The following SYNRG variants were observed in gnomAD, a reference collection of about 807,000 sequenced individuals.
The protein encoded by SYNRG is AP1 gamma subunit binding protein 1.
Under a neutral mutation model 130.9 loss-of-function variants are expected in SYNRG, and 37 were observed. The observed-to-expected ratio is 0.28, with a 90% CI of 0.22 to 0.37. SYNRG has a LOEUF of 0.37. Among genes scored for constraint, SYNRG ranks in the 10% least tolerant of loss-of-function variants. SYNRG has a pLI of 1.00. For synonymous variants in SYNRG, 539 were observed against 568.1 expected (o/e 0.95, Z 0.73); for missense variants, 1,338 against 1,588.9 (o/e 0.84, Z 2.68).
At chr17:37,564,735 A>C (rs1229591528) in intron 11 of SYNRG, among the ~76,000 whole-genome samples, 5 of 152,250 alleles carry the variant, frequency 3.3e-5, no homozygotes, top group African/African-American at 1.2e-4. Context: ...TGTGGAGTAC[A>C]GATTATCATA....
intron 1 of SYNRG, among the ~76,000 whole-genome samples, chr17:37,608,772 A>G (rs1430653317): frequency 6.6e-6 from 1 of 152,142 alleles, no homozygotes; most frequent in Non-Finnish European, 1.5e-5. Flanking sequence ...CGGGTTAAGG[A>G]AATAAAGAGG....
At chr17:37,587,108 C>G (rs1382211846) in intron 3 of SYNRG, among the ~76,000 whole-genome samples, 1 of 151,846 alleles carries the variant, frequency 6.6e-6, no homozygotes, top group Non-Finnish European at 1.5e-5. Flanking sequence ...GTTAAAGTGT[C>G]CAGAAATAAT....
chr17:37,598,330 G>A (rs2062958189), intron 2 of SYNRG, among the ~76,000 whole-genome samples: 1 of 152,204 alleles, frequency 6.6e-6, no homozygotes, highest in African/African-American at 2.4e-5. Flanking sequence ...ACCAAGCCAT[G>A]CAGATGTTTG....
At chr17:37,597,619 T>C (rs568466207) in intron 2 of SYNRG, among the ~76,000 whole-genome samples, 35 of 152,250 alleles carry the variant, frequency 2.3e-4, no homozygotes, top group South Asian at 1.0e-3. Context: ...TACCACAAAA[T>C]AGCCATCAGC....
rs1000321151 is a variant in SYNRG at position 37,592,490 on chromosome 17, T to C, written c.240+3733A>G. Among the ~76,000 whole-genome samples, 4 of 152,316 alleles carry C rather than the reference T, an allele frequency of 2.6e-5. No homozygotes were observed. The East Asian group carries it at 5.8e-4, about 22-fold the overall frequency. Reference sequence around the variant, plus strand: ...CATATGTTCACGCAAAAACCTTTATTTGTAATAGCCAAAAATTGTAAACAA... The same window carrying C: ...CATATGTTCACGCAAAAACCTTTATCTGTAATAGCCAAAAATTGTAAACAA... On this transcript the variant is annotated intron_variant, in intron 3 of 21. Transcript: ENST00000612223.
Position 37,571,806 on chromosome 17 carries a change from C to A in SYNRG, c.1083G>T (p.Met361Ile). The A allele has an allele frequency of 6.2e-7, 1 of 1,610,202 alleles. No individual in the cohort carries two copies. The highest frequency in any genetic ancestry group is 2.2e-5 in the East Asian group (1 of 44,858). Residue 361 changes from methionine to isoleucine, a missense_variant, in exon 9 of 22, where the codon ATG becomes ATT. Met to Ile is a conservative substitution (Grantham distance 10, BLOSUM62 1). Transcript: ENST00000612223. Reference sequence around the variant, plus strand: ...CATTGTTTACCTGTGTTACCGCTATCATGGCTAGAACGGTATAAAGTTCTT... The same window carrying A: ...CATTGTTTACCTGTGTTACCGCTATAATGGCTAGAACGGTATAAAGTTCTT... ...TKEELYTVLAMIAVTQRGVPA... is the reference protein window; with the variant it reads ...TKEELYTVLAIIAVTQRGVPA...
intron 13 of SYNRG, among the ~76,000 whole-genome samples, chr17:37,560,988 GT>G (rs1479189513): frequency 2.6e-5 from 4 of 152,076 alleles, no homozygotes; most frequent in Non-Finnish European, 1.5e-5. Flanking sequence ...TATTATTAAG[GT>G]TTTTTGAATT....
intron 6 of SYNRG, 43 bp from the exon 7 acceptor site, chr17:37,577,656 T>A (rs368843625): frequency 4.7e-6 from 7 of 1,496,958 alleles, no homozygotes; most frequent in Non-Finnish European, 6.4e-6. Flanking sequence ...TAACTGTATA[T>A]GTCTAATCTT....
intron 15 of SYNRG, chr17:37,540,820 A>C (rs768383306): frequency 3.2e-4 from 174 of 551,882 alleles, no homozygotes; most frequent in Non-Finnish European, 2.7e-4. Flanking sequence ...TTTTTAGTAG[A>C]TACACGGTTT....
At chr17:37,583,030 G>T (rs769185717) in intron 6 of SYNRG, among the ~76,000 whole-genome samples, 2 of 150,682 alleles carry the variant, frequency 1.3e-5, no homozygotes, top group African/African-American at 4.9e-5. Flanking sequence ...TCACTCTGTC[G>T]TCCAGGCTGG....
intron 6 of SYNRG, chr17:37,579,516 A>G (rs1048942587): frequency 1.9e-6 from 2 of 1,063,198 alleles, no homozygotes; most frequent in African/African-American, 3.3e-5. Flanking sequence ...TACAATTCCA[A>G]AAGAATATAT....
intron 1 of SYNRG, chr17:37,600,748 G>T (rs999610508): frequency 2.2e-5 from 8 of 371,424 alleles, no homozygotes; most frequent in African/African-American, 1.5e-4. Flanking sequence ...TGAAATGATG[G>T]AATCTTATAA....
At chr17:37,576,988 AT>A (rs1394315051) in intron 7 of SYNRG, among the ~76,000 whole-genome samples, 5 of 152,180 alleles carry the variant, frequency 3.3e-5, no homozygotes, top group Non-Finnish European at 7.3e-5. Flanking sequence ...GGTGCATATG[AT>A]TTATTTTAGA....
At chr17:37,567,578 TG>T (rs1484779599) in intron 11 of SYNRG, 2 of 152,252 alleles carry the variant, frequency 1.3e-5, no homozygotes, top group Non-Finnish European at 2.9e-5. Context: ...CAGCACTCTA[TG>T]GTCACATTCC....
intron 3 of SYNRG, among the ~76,000 whole-genome samples, chr17:37,593,533 G>C (rs910239943): frequency 6.6e-6 from 1 of 152,154 alleles, no homozygotes; most frequent in Non-Finnish European, 1.5e-5. Flanking sequence ...TGATTGGTTA[G>C]GGCTATTGAG....
intron 3 of SYNRG, among the ~76,000 whole-genome samples, chr17:37,587,443 C>T (rs1045940680): frequency 1.3e-5 from 2 of 152,316 alleles, no homozygotes; most frequent in Middle Eastern, 3.4e-3. Flanking sequence ...AAAGTCTGTC[C>T]GTGAAACACT....
In SYNRG at chr17:37,538,301, T is replaced by C. The variant is rs774713567; in HGVS notation, c.3517+23A>G. 1.3e-5 allele frequency: 20 copies of C among 1,524,302 alleles called. No individual in the cohort carries two copies. The Admixed American group carries it at 2.0e-4, about 16-fold the overall frequency. 94.4% of individuals were successfully genotyped at this position (1,524,302 alleles called of 1,614,324 possible). A position where few individuals can be genotyped will look rare whatever the true frequency, so the allele number is the denominator to read the frequency against. On this transcript the variant is annotated intron_variant, in intron 18 of 21. Coordinates refer to ENST00000612223, the MANE Select transcript of SYNRG (RefSeq NM_007247.6). Reference sequence around the variant, plus strand: ...TAATGCAAAGGGCCATCATTTTCAATAGTAAAATATGAAAGAACATACCTA... The same window carrying C: ...TAATGCAAAGGGCCATCATTTTCAACAGTAAAATATGAAAGAACATACCTA...
chr17:37,576,484 C>T, intron 7 of SYNRG, 66 bp from the exon 8 acceptor site: 1 of 1,485,360 alleles, frequency 6.7e-7, no homozygotes, highest in Non-Finnish European at 9.2e-7. Flanking sequence ...CACACTGAGT[C>T]ATGGTTTTTT....
At chr17:37,585,959 G>C (rs1275199031) in intron 4 of SYNRG, among the ~76,000 whole-genome samples, 2 of 152,030 alleles carry the variant, frequency 1.3e-5, no homozygotes, top group Non-Finnish European at 2.9e-5. Context: ...GGTCCTTTTT[G>C]ACTCTAAACT....
Sources: gnomAD v4.1 joint callset for allele counts (sites outside exome capture counted in the v4.1 genomes callset) on GRCh38, gnomAD v4.1.1 for gene constraint, MANE v1.5 for transcripts, NCBI Gene and HGNC (gene_info 2026-07-23, HGNC 2026-07-21) for gene names.